The following IDUA variants were observed in gnomAD, a reference collection of about 807,000 sequenced individuals.
IDUA encodes alpha-L-iduronidase, also known as iduronidase alpha-L-.
Under a neutral mutation model 68.9 loss-of-function variants are expected in IDUA, and 65 were observed. The observed-to-expected ratio is 0.94, with a 90% confidence interval of 0.77 to 1.16. The LOEUF (loss-of-function observed/expected upper bound fraction) is 1.16. IDUA is among the 50% of genes most tolerant of loss of function. IDUA has a pLI of 0.00. For synonymous variants in IDUA, 529 were observed against 433.6 expected (o/e 1.22, Z -2.73); for missense variants, 1,046 against 938.0 (o/e 1.12, Z -1.50).
At chr4:1,003,908 G>T (rs1715282173) in intron 12 of IDUA, 104 bp from the exon 13 acceptor site, 5 of 1,008,414 alleles carry the variant, frequency 5.0e-6, no homozygotes, top group Admixed American at 1.7e-5. Context: ...GCCGCCGAGG[G>T]GCTTGAGGGA....
intron 2 of IDUA, chr4:992,205 C>A (rs1490059661): frequency 6.5e-6 from 3 of 459,020 alleles, no homozygotes; most frequent in African/African-American, 6.0e-5. Context: ...TCCAGCTGCT[C>A]CGTGTCCACC....
chr4:991,581 G>C lies in IDUA; in HGVS notation c.299+3632G>C, dbSNP rs143974931. 0.012 allele frequency: 18,511 copies of C among 1,599,798 alleles called. 133 individuals are homozygous for C. The highest frequency in any genetic ancestry group is 0.016 in the Middle Eastern group (96 of 6,034). On this transcript the variant is annotated intron_variant, in intron 2 of 13. Coordinates refer to ENST00000514224, the MANE Select transcript of IDUA (RefSeq NM_000203.5). Reference sequence around the variant, plus strand: ...CCAGCGCCCGGACGCACAGCACACTGCACGAGCAGCTGCACCACAGCCTGG... The same window carrying C: ...CCAGCGCCCGGACGCACAGCACACTCCACGAGCAGCTGCACCACAGCCTGG...
chr4:996,100 C>T (rs1714730021), intron 2 of IDUA, among the ~76,000 whole-genome samples: 1 of 152,256 alleles, frequency 6.6e-6, no homozygotes, highest in Admixed American at 6.5e-5. Context: ...AAGCCCCTGC[C>T]CTGTCCTCCA....
intron 8 of IDUA, 32 bp from the exon 9 acceptor site, chr4:1,002,700 C>T (rs1715171273): frequency 2.8e-6 from 4 of 1,414,406 alleles, no homozygotes; most frequent in African/African-American, 1.5e-5. Context: ...GGCAACGACC[C>T]CACGCGGCGA....
chr4:989,685 GA>G lies in IDUA; in HGVS notation c.299+1737del. The G allele has an allele frequency of 1.9e-6, 3 of 1,564,394 alleles. No homozygotes were observed. The South Asian group carries it at 3.5e-5, about 18-fold the overall frequency. ...GCACCAGCAGCACCACGGTGGCGCTGACCACGCTGGACAGCTGTGTCCGGCA... is the reference window on the plus strand; with the variant it reads ...GCACCAGCAGCACCACGGTGGCGCTGCCACGCTGGACAGCTGTGTCCGGCA... On this transcript the variant is annotated intron_variant, in intron 2 of 13. Coordinates refer to ENST00000514224, the MANE Select transcript of IDUA (RefSeq NM_000203.5).
Position 1,002,732 on chromosome 4 carries a change from A to T in IDUA, c.1190A>T (p.Asp397Val). ...LTAMGLLALL[D>V]EEQLWAEVSQ... is the part of the protein sequence containing the mutation. Reference sequence around the variant, plus strand: ...GCGACGGCCCCCCCCCGCCCCGCAGATGAGGAGCAGCTCTGGGCCGAAGTG... The same window carrying T: ...GCGACGGCCCCCCCCCGCCCCGCAGTTGAGGAGCAGCTCTGGGCCGAAGTG... The change falls in exon 9 of 14, where the codon GAT (aspartate) becomes GTT (valine). Residue 397 changes from aspartate (D) to valine (V), a missense_variant and splice_region_variant. Asp to Val is a radical substitution (Grantham distance 152). Coordinates refer to ENST00000514224, the MANE Select transcript of IDUA (RefSeq NM_000203.5). 1.4e-6 allele frequency: 2 copies of T among 1,386,460 alleles called. No homozygotes were observed. The highest frequency in any genetic ancestry group is 1.9e-6 in the Non-Finnish European group (2 of 1,038,828). 85.9% of individuals were successfully genotyped at this position (1,386,460 alleles called of 1,614,324 possible).
In IDUA at chr4:987,111, G is replaced by A. The variant is rs1053327776; in HGVS notation, c.27G>A (p.Ala9=). 1 of 1,445,644 alleles carries A rather than the reference G, an allele frequency of 6.9e-7. No individual in the cohort carries two copies. Among genetic ancestry groups the A allele is most frequent in the Non-Finnish European group, 9.1e-7 (1 of 1,103,512 alleles). 89.6% of individuals were successfully genotyped at this position (1,445,644 alleles called of 1,614,324 possible). MRPLRPRA[A]LLALLASLLA... ...TGCGTCCCCTGCGCCCCCGCGCCGC[G>A]CTGCTGGCGCTCCTGGCCTCGCTCC... Residue 9 remains alanine, a synonymous_variant, in exon 1 of 14, where the codon GCG becomes GCA. Transcript: ENST00000514224.
intron 2 of IDUA, chr4:991,828 G>A (rs373007894): frequency 3.8e-5 from 59 of 1,532,588 alleles, no homozygotes; most frequent in African/African-American, 1.8e-4. Context: ...CGGACCCCTC[G>A]CCCACCCAGG....
At chr4:987,734 G>T (rs779748908) in intron 1 of IDUA, 75 bp from the exon 2 acceptor site, 1 of 1,600,882 alleles carries the variant, frequency 6.2e-7, no homozygotes, top group Non-Finnish European at 8.5e-7. Context: ...GCAGTCCTGG[G>T]CTTGAACGTG....
chr4:1,003,788 C>T (rs904106516), intron 12 of IDUA, 163 bp downstream of exon 12: 1 of 856,544 alleles, frequency 1.2e-6, no homozygotes, highest in African/African-American at 1.7e-5. Context: ...GTGGGCCACG[C>T]GCCAGGCCCT....
At chr4:988,274 G>C in intron 2 of IDUA, 1 of 1,199,704 alleles carries the variant, frequency 8.3e-7, no homozygotes. Context: ...TGAGGGCTGA[G>C]CTGAGGTCTC....
rs373963523 is a variant in IDUA at position 991,120 on chromosome 4, C to T, written c.299+3171C>T. ...GGCCCCTCCCTGTGCCCAAGCAGGG[C>T]TCCTCACCTGGTAAAGCCCGGTCAT... On this transcript the variant is annotated intron_variant, in intron 2 of 13. Coordinates refer to ENST00000514224, the MANE Select transcript of IDUA (RefSeq NM_000203.5). 3.3e-6 allele frequency: 5 copies of T among 1,531,680 alleles called. No homozygotes were observed. In the African/African-American group the frequency reaches 6.9e-5, roughly 21 times the overall value. The allele number at this position is 1,531,680 out of a possible 1,614,324, so 94.9% of individuals were successfully genotyped here.
intron 2 of IDUA, chr4:991,915 C>A: frequency 9.6e-7 from 1 of 1,044,016 alleles, no homozygotes; most frequent in Non-Finnish European, 1.4e-6. Flanking sequence ...ACGCTGGGCC[C>A]TGCTGGATCC....
Position 1,002,023 on chromosome 4 carries a change from C to A in IDUA, c.834C>A (p.Val278=), listed in dbSNP as rs1308432668. The change falls in exon 7 of 14, where the codon GTC becomes GTA. Residue 278 remains valine (V), a synonymous_variant. Coordinates refer to ENST00000514224, the MANE Select transcript of IDUA (RefSeq NM_000203.5). ...SSISILEQEK[V]VAQQIRQLFP... ...TCTCCATCCTGGAGCAGGAGAAGGT[C>A]GTCGCGCAGCAGATCCGGCAGCTCT... is the stretch of plus-strand genomic sequence containing the variant. 6.3e-7 allele frequency: 1 copy of A among 1,597,614 alleles called. No individual in the cohort carries two copies. Among genetic ancestry groups the A allele is most frequent in the Admixed American group, 1.8e-5 (1 of 57,036 alleles).
intron 2 of IDUA, chr4:989,680 G>A (rs1325417621): frequency 1.3e-6 from 2 of 1,569,436 alleles, no homozygotes; most frequent in Admixed American, 1.9e-5. Context: ...CACCACGGTG[G>A]CGCTGACCAC....
At chr4:989,914 G>C in intron 2 of IDUA, 1 of 1,561,020 alleles carries the variant, frequency 6.4e-7, no homozygotes, top group Non-Finnish European at 8.7e-7. Context: ...GGCATCCAAA[G>C]CCACACGCTG....
Position 1,003,605 on chromosome 4 carries a change from G to A in IDUA, c.1707G>A (p.Ser569=), listed in dbSNP as rs764370443. Residue 569 remains serine (S), a synonymous_variant, in exon 12 of 14, where the codon TCG becomes TCA. Coordinates refer to ENST00000514224, the MANE Select transcript of IDUA (RefSeq NM_000203.5). ...LTQGQLVLVW[S]DEHVGSKCLW... ...AAGGGCAGCTGGTTCTGGTCTGGTCGGATGAACACGTGGGCTCCAAGTGCG... is the reference window on the plus strand; with the variant it reads ...AAGGGCAGCTGGTTCTGGTCTGGTCAGATGAACACGTGGGCTCCAAGTGCG... 125 of 1,612,294 alleles carry A rather than the reference G, an allele frequency of 7.8e-5. No individual in the cohort carries two copies. Among genetic ancestry groups the A allele is most frequent in the Non-Finnish European group, 1.0e-4 (120 of 1,179,826 alleles).
chr4:991,693 G>C (rs757616173), intron 2 of IDUA: 2 of 1,534,068 alleles, frequency 1.3e-6, no homozygotes, highest in South Asian at 1.2e-5. Context: ...AGGCTCAGGG[G>C]ACTCGTCCAT....
intron 2 of IDUA, among the ~76,000 whole-genome samples, chr4:993,773 C>G (rs937494496): frequency 6.6e-6 from 1 of 152,208 alleles, no homozygotes; most frequent in Non-Finnish European, 1.5e-5. Context: ...GTCCAGTCGC[C>G]GGACACCCTC....
Sources: allele counts gnomAD v4.1 joint callset (sites outside exome capture counted in the v4.1 genomes callset), GRCh38; gene constraint gnomAD v4.1.1; transcripts MANE v1.5; gene names NCBI Gene and HGNC (gene_info 2026-07-23, HGNC 2026-07-21).